Variants in PYROXD1 observed in about 807,000 individuals in gnomAD.
The protein encoded by PYROXD1 is tRNA ligase complex-associated NAD(P)H dehydrogenase PYROXD1.
PYROXD1 carries 42 observed loss-of-function variants against 62.0 expected under a neutral mutation model. The ratio of observed to expected loss-of-function variants is 0.68; its 90% CI spans 0.53 to 0.88. The LOEUF is 0.88. Ranked by LOEUF, PYROXD1 falls within the 40% of genes least tolerant of loss-of-function variation. The probability of loss-of-function intolerance (pLI) is 0.00; values close to 1 mark genes in which losing one functional copy is unlikely to be tolerated. For missense variants in PYROXD1, 493 were observed against 604.8 expected (o/e 0.82, Z 1.94); for synonymous variants, 170 against 206.4 (o/e 0.82, Z 1.51).
rs1433474767 is a variant in PYROXD1 at position 21,469,869 on chromosome 12, T to C, written c.*1115T>C. 3 of 195,924 alleles carry C rather than the reference T, an allele frequency of 1.5e-5. No individual in the cohort carries two copies. Among genetic ancestry groups the C allele is most frequent in the African/African-American group, 7.1e-5 (3 of 42,018 alleles). 12.1% of individuals were successfully genotyped at this position (195,924 alleles called of 1,614,324 possible). On this transcript the variant is annotated 3_prime_UTR_variant, in exon 12 of 12. Transcript: ENST00000240651. ...ATAATATTGCTTTCAAAAAGATAGT[T>C]ATGTCAAAAGAAAAAATATAGCTAA...
intron 10 of PYROXD1, among the ~76,000 whole-genome samples, chr12:21,465,050 T>G (rs979035467): frequency 4.6e-5 from 7 of 152,218 alleles, no homozygotes; most frequent in Non-Finnish European, 1.0e-4. Flanking sequence ...GTGCCACATT[T>G]TCTTAATCCA....
At chr12:21,455,026 A>G (rs2137267662) in intron 5 of PYROXD1, 106 bp from the exon 6 acceptor site, 1 of 532,876 alleles carries the variant, frequency 1.9e-6, no homozygotes, top group Non-Finnish European at 3.1e-6. Flanking sequence ...GTTAGCCTTA[A>G]AAATGTATTC....
At chr12:21,459,402 C>G (rs993684533) in intron 7 of PYROXD1, among the ~76,000 whole-genome samples, 1 of 152,170 alleles carries the variant, frequency 6.6e-6, no homozygotes, top group African/African-American at 2.4e-5. Context: ...ATATGCTTTG[C>G]CTTATGTATT....
At chr12:21,453,166 A>G (rs1057175207) in intron 5 of PYROXD1, among the ~76,000 whole-genome samples, 4 of 152,104 alleles carry the variant, frequency 2.6e-5, no homozygotes, top group African/African-American at 7.2e-5. Flanking sequence ...AGCTCTCACC[A>G]AAGTATCACT....
intron 3 of PYROXD1, among the ~76,000 whole-genome samples, chr12:21,446,356 C>T (rs533998586): frequency 1.5e-3 from 227 of 152,046 alleles, no homozygotes; most frequent in Non-Finnish European, 3.0e-3. Context: ...ACCCGGGAGG[C>T]GGAGCTTGCA....
chr12:21,459,354 C>CT (rs1942653604), intron 7 of PYROXD1, among the ~76,000 whole-genome samples: 1 of 152,168 alleles, frequency 6.6e-6, no homozygotes, highest in African/African-American at 2.4e-5. Context: ...AGAGGGTGGT[C>CT]TATCTGGAGA....
At chr12:21,439,727 C>CTT (rs1219833853) in intron 1 of PYROXD1, among the ~76,000 whole-genome samples, 3 of 152,112 alleles carry the variant, frequency 2.0e-5, no homozygotes, top group African/African-American at 7.2e-5. Context: ...AGGAACCAGA[C>CTT]TTTGAGATAA....
Position 21,469,168 on chromosome 12 carries a change from A to G in PYROXD1, c.*414A>G, listed in dbSNP as rs562839584. ...TAAAATCGGTTGTATTTTACTTTAA[A>G]TAGAGATGTAGCAATATCTCGTTTG... is the stretch of plus-strand genomic sequence containing the variant. On this transcript the variant is annotated 3_prime_UTR_variant, in exon 12 of 12. Transcript: ENST00000240651. The G allele has an allele frequency of 1.7e-3, 280 of 167,110 alleles. No individual in the cohort carries two copies. The highest frequency in any genetic ancestry group is 6.4e-3 in the African/African-American group (265 of 41,578). 10.4% of individuals were successfully genotyped at this position (167,110 alleles called of 1,614,324 possible).
chr12:21,438,957 A>T (rs1158895409), intron 1 of PYROXD1, among the ~76,000 whole-genome samples: 4 of 152,222 alleles, frequency 2.6e-5, no homozygotes, highest in African/African-American at 9.6e-5. Context: ...AAGAGATATC[A>T]ACGGTTATCT....
intron 7 of PYROXD1, among the ~76,000 whole-genome samples, chr12:21,459,893 T>A (rs896041147): frequency 6.6e-6 from 1 of 152,216 alleles, no homozygotes; most frequent in African/African-American, 2.4e-5. Flanking sequence ...TGTCCTATTT[T>A]AAATTAATCT....
intron 3 of PYROXD1, among the ~76,000 whole-genome samples, chr12:21,446,975 A>G (rs1284661074): frequency 1.3e-5 from 2 of 152,202 alleles, no homozygotes; most frequent in Non-Finnish European, 2.9e-5. Flanking sequence ...GTCTGAACTG[A>G]GACAGGGACA....
chr12:21,447,942 C>T (rs112178109), intron 3 of PYROXD1: 168 of 246,936 alleles, frequency 6.8e-4, no homozygotes, highest in African/African-American at 3.5e-3. Flanking sequence ...GAGATCACGC[C>T]GCTGCACTCC....
At chr12:21,450,431 A>C (rs1262003077) in intron 4 of PYROXD1, among the ~76,000 whole-genome samples, 1 of 152,222 alleles carries the variant, frequency 6.6e-6, no homozygotes, top group East Asian at 1.9e-4. Flanking sequence ...GTGGTACAAA[A>C]TCATGATAGA....
chr12:21,457,823 C>G (rs557785276), intron 7 of PYROXD1, among the ~76,000 whole-genome samples: 1 of 152,294 alleles, frequency 6.6e-6, no homozygotes, highest in Non-Finnish European at 1.5e-5. Flanking sequence ...CCAGTCACCT[C>G]CCACCAGGCC....
chr12:21,465,966 C>G (rs1279412165), intron 10 of PYROXD1, among the ~76,000 whole-genome samples: 3 of 152,114 alleles, frequency 2.0e-5, no homozygotes, highest in South Asian at 2.1e-4. Context: ...TGTGAAAGAT[C>G]AGATAGTTGT....
At chr12:21,444,058 CT>C (rs1942343841) in intron 2 of PYROXD1, among the ~76,000 whole-genome samples, 1 of 152,140 alleles carries the variant, frequency 6.6e-6, no homozygotes, top group Non-Finnish European at 1.5e-5. Context: ...AGTTGTGAGA[CT>C]TGAATTCAGT....
rs547618415 is a variant in PYROXD1, at chr12:21,451,997, T to G, written c.415-84T>G. The G allele has an allele frequency of 4.5e-5, 36 of 803,592 alleles. No homozygotes were observed. The South Asian group carries it at 6.0e-4, about 13-fold the overall frequency. The allele number at this position is 803,592 out of a possible 1,614,324, so 49.8% of individuals were successfully genotyped here. Reference sequence around the variant, plus strand: ...TACAAATTCAATAAAATATTTACATTTTTAGAATATTATCGAAGCCTCATA... The same window carrying G: ...TACAAATTCAATAAAATATTTACATGTTTAGAATATTATCGAAGCCTCATA... On this transcript the variant is annotated intron_variant, in intron 4 of 11. Coordinates refer to ENST00000240651, the MANE Select transcript of PYROXD1 (RefSeq NM_024854.5).
chr12:21,439,138 A>C (rs1009049979), intron 1 of PYROXD1, among the ~76,000 whole-genome samples: 2 of 152,218 alleles, frequency 1.3e-5, no homozygotes, highest in Non-Finnish European at 2.9e-5. Flanking sequence ...GGAGCAGTAA[A>C]GCTTAAAGCA....
At chr12:21,467,370 G>A in intron 10 of PYROXD1, 111 bp from the exon 11 acceptor site, 1 of 981,244 alleles carries the variant, frequency 1.0e-6, no homozygotes, top group South Asian at 2.2e-5. Flanking sequence ...TGGCAAAGAT[G>A]ACAGAAAGAC....
Sources: gnomAD v4.1 joint callset for allele counts (sites outside exome capture counted in the v4.1 genomes callset) on GRCh38, gnomAD v4.1.1 for gene constraint, MANE v1.5 for transcripts, NCBI Gene and HGNC (gene_info 2026-07-23, HGNC 2026-07-21) for gene names.